Variants in CPED1 observed in about 807,000 individuals in gnomAD.
CPED1 encodes the protein cadherin-like and PC-esterase domain-containing protein 1.
In CPED1, 114 loss-of-function variants were observed where a neutral mutation model predicts 128.2. That is an observed-to-expected ratio of 0.89 (90% CI 0.76 to 1.04). The LOEUF (loss-of-function observed/expected upper bound fraction) is 1.04, where lower values mean the gene tolerates loss of function less well. CPED1 is among the 50% of genes least tolerant of loss of function. CPED1 has a pLI of 0.00. For synonymous variants in CPED1, 462 were observed against 426.7 expected (o/e 1.08, Z -1.02); for missense variants, 1,211 against 1,207.1 (o/e 1.00, Z -0.05).
chr7:121,256,536 A>G lies in CPED1; in HGVS notation c.2311-9691A>G, dbSNP rs546140320. 3.9e-5 allele frequency among the ~76,000 whole-genome samples: 6 copies of G among 152,230 alleles called. No homozygotes were observed. The East Asian group carries it at 1.2e-3, about 29-fold the overall frequency. On this transcript the variant is annotated intron_variant, in intron 18 of 22. Coordinates refer to ENST00000310396, the MANE Select transcript of CPED1 (RefSeq NM_024913.5). ...TACCAGTCAGAATGGCTATTACTGA[A>G]AAGTCAAAAAACAACGGATGCTGGA...
intron 16 of CPED1, among the ~76,000 whole-genome samples, chr7:121,180,809 A>G (rs985986973): frequency 6.6e-6 from 1 of 152,042 alleles, no homozygotes; most frequent in African/African-American, 2.4e-5. Flanking sequence ...AGCCTGAGAC[A>G]TGGAAGGTGG....
intron 7 of CPED1, among the ~76,000 whole-genome samples, chr7:121,117,221 C>T (rs1036584001): frequency 1.3e-5 from 2 of 151,312 alleles, no homozygotes; most frequent in African/African-American, 2.4e-5. Context: ...CCGCCTCAGC[C>T]TCCCGAGTAG....
intron 16 of CPED1, among the ~76,000 whole-genome samples, chr7:121,165,255 C>G (rs1455102617): frequency 6.6e-6 from 1 of 152,106 alleles, no homozygotes; most frequent in Non-Finnish European, 1.5e-5. Flanking sequence ...AGTATATAAA[C>G]TTCACTTAAG....
chr7:121,187,862 AT>A (rs750515475), intron 16 of CPED1, among the ~76,000 whole-genome samples: 68 of 152,200 alleles, frequency 4.5e-4, no homozygotes, highest in African/African-American at 1.5e-3. Context: ...CATAGACTTT[AT>A]TTTATTTTAC....
chr7:121,078,498 GAAAAAAAAAA>G (rs529856618), intron 5 of CPED1, among the ~76,000 whole-genome samples: 11 of 101,882 alleles, frequency 1.1e-4, no homozygotes, highest in South Asian at 3.3e-4. Context: ...AAGAAAGAAA[GAAAAAAAAAA>G]AAAAAAAAAA....
intron 5 of CPED1, among the ~76,000 whole-genome samples, chr7:121,072,604 A>C (rs988724536): frequency 1.3e-5 from 2 of 152,140 alleles, no homozygotes; most frequent in African/African-American, 4.8e-5. Context: ...GTGGTTTATA[A>C]AAGAAAGTAC....
chr7:121,061,532 T>C (rs1172347438), intron 4 of CPED1, among the ~76,000 whole-genome samples: 1 of 152,178 alleles, frequency 6.6e-6, no homozygotes, highest in Non-Finnish European at 1.5e-5. Flanking sequence ...ATGTTAATAA[T>C]GGAGGAGGCT....
intron 22 of CPED1, among the ~76,000 whole-genome samples, chr7:121,287,740 C>T (rs1479866970): frequency 2.0e-5 from 3 of 152,266 alleles, no homozygotes; most frequent in Admixed American, 2.0e-4. Flanking sequence ...ATTGGAATGG[C>T]ATTTTAATTA....
chr7:121,093,175 A>C (rs1402480212), intron 5 of CPED1, among the ~76,000 whole-genome samples: 2 of 152,074 alleles, frequency 1.3e-5, no homozygotes, highest in Admixed American at 1.3e-4. Context: ...ACTGTTTTTC[A>C]CAGTAGTATG....
At chr7:121,220,973 C>CT (rs112215085) in intron 16 of CPED1, among the ~76,000 whole-genome samples, 6 of 151,664 alleles carry the variant, frequency 4.0e-5, no homozygotes, top group East Asian at 1.9e-4. Flanking sequence ...CTATATCCAT[C>CT]TTTTTTTTAT....
At chr7:121,047,663 TC>T (rs1793235392) in intron 4 of CPED1, among the ~76,000 whole-genome samples, 1 of 9,088 alleles carries the variant, frequency 1.1e-4, no homozygotes, top group South Asian at 5.1e-3. Flanking sequence ...TTCTTCTTCT[TC>T]TTCTTCTTCT....
chr7:121,098,642 G>A (rs1794756482), intron 6 of CPED1, among the ~76,000 whole-genome samples: 1 of 150,870 alleles, frequency 6.6e-6, no homozygotes, highest in African/African-American at 2.4e-5. Context: ...TGAGGCAGGA[G>A]AACCAACTGA....
At chr7:121,226,675 A>G (rs1798021670) in intron 16 of CPED1, among the ~76,000 whole-genome samples, 1 of 152,128 alleles carries the variant, frequency 6.6e-6, no homozygotes, top group South Asian at 2.1e-4. Flanking sequence ...AATGCCCTCC[A>G]TAAAGGAGAA....
chr7:121,033,062 C>T (rs1792778378), intron 3 of CPED1, among the ~76,000 whole-genome samples: 2 of 152,160 alleles, frequency 1.3e-5, no homozygotes, highest in South Asian at 4.1e-4. Context: ...TATTTCAGGG[C>T]TCAAGATGTC....
chr7:121,128,096 T>C (rs1795553570), intron 10 of CPED1, among the ~76,000 whole-genome samples: 1 of 152,128 alleles, frequency 6.6e-6, no homozygotes, highest in Non-Finnish European at 1.5e-5. Context: ...AGCAGAGTGC[T>C]TCAAAATAAC....
intron 18 of CPED1, chr7:121,262,045 C>T (rs1349767747): frequency 6.8e-6 from 2 of 294,938 alleles, no homozygotes; most frequent in Non-Finnish European, 1.3e-5. Flanking sequence ...AGCTTGGTGC[C>T]TTCCCCACAG....
chr7:121,272,611 C>T (rs1792255473), intron 22 of CPED1, among the ~76,000 whole-genome samples: 1 of 152,074 alleles, frequency 6.6e-6, no homozygotes, highest in African/African-American at 2.4e-5. Flanking sequence ...CTACTTTGAA[C>T]TACAGAAATA....
intron 2 of CPED1, among the ~76,000 whole-genome samples, chr7:120,998,362 T>C (rs1355234598): frequency 6.6e-6 from 1 of 152,238 alleles, no homozygotes; most frequent in African/African-American, 2.4e-5. Context: ...GGCACATTTC[T>C]TGACCTCTCT....
At chr7:121,154,630 C>G (rs1796241525) in intron 16 of CPED1, among the ~76,000 whole-genome samples, 1 of 152,094 alleles carries the variant, frequency 6.6e-6, no homozygotes, top group African/African-American at 2.4e-5. Flanking sequence ...ACTACAACCT[C>G]CAGCTCCCTG....
Sources: gnomAD v4.1 joint callset for allele counts (sites outside exome capture counted in the v4.1 genomes callset) on GRCh38, gnomAD v4.1.1 for gene constraint, MANE v1.5 for transcripts, NCBI Gene and HGNC (gene_info 2026-07-23, HGNC 2026-07-21) for gene names.